GRIN2A: variants seen among roughly 807,000 people sequenced by gnomAD.
GRIN2A encodes glutamate receptor ionotropic, NMDA 2A.
Under a neutral mutation model 113.4 loss-of-function variants are expected in GRIN2A, and 22 were observed. The observed-to-expected ratio is 0.19, with a 90% confidence interval of 0.14 to 0.28. The LOEUF (loss-of-function observed/expected upper bound fraction) is 0.28. Ranked by LOEUF, GRIN2A falls within the 10% of genes least tolerant of loss-of-function variation. The probability of loss-of-function intolerance (pLI) is 1.00; values close to 1 mark genes in which losing one functional copy is unlikely to be tolerated. For missense variants in GRIN2A, 1,502 were observed against 1,887.0 expected, an observed-to-expected ratio of 0.80 and a Z score of 3.78; for synonymous variants, 827 against 738.4, an observed-to-expected ratio of 1.12 and a Z score of -1.94.
chr16:9,763,525 T>C lies in GRIN2A; in HGVS notation c.4019A>G (p.Lys1340Arg), dbSNP rs1411064283. ...CAGACCTTGGGGGAAAAGGGAGCTT[T>C]TTTTCCCCGAGAGTTTGCTTGAGGG... ...SVPSSKLSGK[K>R]SSLFPQGLED... is the part of the protein sequence containing the mutation. The change falls in exon 13 of 13, where the codon AAA becomes AGA. Residue 1340 changes from lysine to arginine, a missense_variant. This residue lies in a region of GRIN2A where 832 missense variants were observed against 789.7 expected (regional missense o/e 1.05). Coordinates refer to ENST00000330684, the MANE Select transcript of GRIN2A (RefSeq NM_001134407.3). 1.9e-6 allele frequency: 3 copies of C among 1,613,988 alleles called. No individual in the cohort carries two copies. The Admixed American group carries it at 5.0e-5, about 27-fold the overall frequency.
At chr16:10,103,609 G>A (rs59467837) in intron 2 of GRIN2A, among the ~76,000 whole-genome samples, 10 of 152,154 alleles carry the variant, frequency 6.6e-5, no homozygotes, top group Non-Finnish European at 1.2e-4. Flanking sequence ...TAAGAATATC[G>A]CCAGAAGTCC....
chr16:9,794,573 C>A (rs908398561), intron 11 of GRIN2A: 1 of 152,142 alleles, frequency 6.6e-6, no homozygotes, highest in Non-Finnish European at 1.5e-5. Flanking sequence ...CTGGAGACAC[C>A]CCCTGGACCA....
chr16:10,057,754 T>G (rs995099638), intron 2 of GRIN2A, among the ~76,000 whole-genome samples: 1 of 152,170 alleles, frequency 6.6e-6, no homozygotes, highest in African/African-American at 2.4e-5. Context: ...AAAGCTTTCT[T>G]GAAGAAAAGT....
chr16:9,772,936 A>AAAAG (rs1001754497), intron 11 of GRIN2A, among the ~76,000 whole-genome samples: 1 of 151,658 alleles, frequency 6.6e-6, no homozygotes, highest in African/African-American at 2.4e-5. Context: ...AAAAAAAAAA[A>AAAAG]AAAAAAAGAG....
intron 2 of GRIN2A, among the ~76,000 whole-genome samples, chr16:10,068,680 T>A (rs187165678): frequency 4.7e-4 from 71 of 152,300 alleles, no homozygotes; most frequent in Non-Finnish European, 7.8e-4. Context: ...AATTCCCCCA[T>A]GGATCATCTA....
At chr16:9,879,992 G>A (rs1377843585) in intron 4 of GRIN2A, among the ~76,000 whole-genome samples, 1 of 152,140 alleles carries the variant, frequency 6.6e-6, no homozygotes, top group Non-Finnish European at 1.5e-5. Context: ...CTAGTCTGTT[G>A]TTGTGTAGCA....
At chr16:10,154,310 A>G (rs2049644707) in intron 2 of GRIN2A, among the ~76,000 whole-genome samples, 1 of 152,182 alleles carries the variant, frequency 6.6e-6, no homozygotes, top group South Asian at 2.1e-4. Context: ...ATTAAGATAC[A>G]GGGGCTGTTT....
At chr16:10,022,622 G>C (rs1471369964) in intron 2 of GRIN2A, among the ~76,000 whole-genome samples, 2 of 152,134 alleles carry the variant, frequency 1.3e-5, no homozygotes, top group Admixed American at 6.5e-5. Context: ...CTTCCCCATA[G>C]CAGGTCTTAT....
At chr16:9,983,643 G>A (rs775015054) in intron 2 of GRIN2A, among the ~76,000 whole-genome samples, 15 of 152,164 alleles carry the variant, frequency 9.9e-5, no homozygotes, top group Middle Eastern at 3.4e-3. Context: ...GTTTCACTGC[G>A]TTAGCCAGGA....
In GRIN2A at chr16:10,051,552, A is replaced by T. The variant is rs2047360539; in HGVS notation, c.415-113001T>A. ...AGTTTTTAAAGTGCTCCAAGTATACAAAGCTGGAAGGAATTAATTCTGCCT... is the reference window on the plus strand; with the variant it reads ...AGTTTTTAAAGTGCTCCAAGTATACTAAGCTGGAAGGAATTAATTCTGCCT... On this transcript the variant is annotated intron_variant, in intron 2 of 12. Transcript: ENST00000330684. 2.6e-5 allele frequency among the ~76,000 whole-genome samples: 4 copies of T among 152,250 alleles called. No homozygotes were observed. In the South Asian group the frequency reaches 6.2e-4, roughly 24 times the overall value.
intron 2 of GRIN2A, among the ~76,000 whole-genome samples, chr16:10,139,937 C>A (rs185424195): frequency 1.8e-4 from 27 of 152,264 alleles, no homozygotes; most frequent in Middle Eastern, 3.4e-3. Context: ...AAGTGATCCT[C>A]ATGCCTCAGT....
intron 4 of GRIN2A, among the ~76,000 whole-genome samples, chr16:9,861,240 G>A (rs1028354937): frequency 3.3e-5 from 5 of 152,040 alleles, no homozygotes; most frequent in African/African-American, 1.2e-4. Context: ...CTCCCAAGCT[G>A]GAGAAAACAT....
chr16:9,849,811 G>A lies in GRIN2A; in HGVS notation c.1273C>T (p.Leu425=). 2 of 1,614,022 alleles carry A rather than the reference G, an allele frequency of 1.2e-6. No homozygotes were observed. Among genetic ancestry groups the A allele is most frequent in the African/African-American group, 1.3e-5 (1 of 75,018 alleles). ...PFVIVEDIDP[L]TETCVRNTVP... ...GTGTTCCTCACACACGTCTCGGTCAGGGGGTCTATGTCTTCCACGATGACG... is the reference window on the plus strand; with the variant it reads ...GTGTTCCTCACACACGTCTCGGTCAAGGGGTCTATGTCTTCCACGATGACG... Residue 425 remains leucine (L), a synonymous_variant, in exon 5 of 13, where the codon CTG becomes TTG. Coordinates refer to ENST00000330684, the MANE Select transcript of GRIN2A (RefSeq NM_001134407.3).
chr16:9,856,151 A>G (rs376723881), intron 4 of GRIN2A, among the ~76,000 whole-genome samples: 2 of 152,156 alleles, frequency 1.3e-5, no homozygotes, highest in East Asian at 3.8e-4. Context: ...AATTATCCTC[A>G]TTGCATGATG....
intron 2 of GRIN2A, among the ~76,000 whole-genome samples, chr16:10,024,602 C>T (rs1478604544): frequency 2.6e-5 from 4 of 152,300 alleles, no homozygotes; most frequent in Admixed American, 1.3e-4. Flanking sequence ...CTCCCATTGC[C>T]GCTTAGAGAT....
At chr16:9,995,069 C>A (rs1268523838) in intron 2 of GRIN2A, among the ~76,000 whole-genome samples, 1 of 152,164 alleles carries the variant, frequency 6.6e-6, no homozygotes, top group Non-Finnish European at 1.5e-5. Context: ...GACTGTTGGT[C>A]CTTGGTTTCA....
chr16:10,004,417 T>C (rs1379153436), intron 2 of GRIN2A, among the ~76,000 whole-genome samples: 1 of 151,648 alleles, frequency 6.6e-6, no homozygotes, highest in Admixed American at 6.6e-5. Context: ...TTATGGGATG[T>C]TTCTTACGGC....
chr16:9,856,478 T>A (rs2042970482), intron 4 of GRIN2A, among the ~76,000 whole-genome samples: 1 of 151,356 alleles, frequency 6.6e-6, no homozygotes, highest in Non-Finnish European at 1.5e-5. Flanking sequence ...ACAAAAAATT[T>A]GCCGGGCATG....
intron 3 of GRIN2A, among the ~76,000 whole-genome samples, chr16:9,895,983 C>T (rs11647369): frequency 0.28 from 43,006 of 151,772 alleles, 6,984 homozygotes; most frequent in African/African-American, 0.44. Context: ...GTTTTGGTTT[C>T]GATAAAGACA....
Sources: gnomAD v4.1 joint callset for allele counts (sites outside exome capture counted in the v4.1 genomes callset) on GRCh38, gnomAD v4.1.1 for gene constraint, gnomAD v4.1.1 regional missense constraint, MANE v1.5 for transcripts, NCBI Gene and HGNC (gene_info 2026-07-23, HGNC 2026-07-21) for gene names.